The following CADM2 variants were observed in gnomAD, a reference collection of about 807,000 sequenced individuals.
CADM2 encodes cell adhesion molecule 2, also known as immunoglobulin superfamily member 4D.
CADM2 carries 12 observed loss-of-function variants against 49.8 expected under a neutral mutation model. The ratio of observed to expected loss-of-function variants is 0.24; its 90% CI spans 0.15 to 0.39. The LOEUF (loss-of-function observed/expected upper bound fraction) is 0.39. Among genes scored for constraint, CADM2 ranks in the 10% least tolerant of loss-of-function variants. The probability of loss-of-function intolerance (pLI) is 1.00; values close to 1 mark genes in which losing one functional copy is unlikely to be tolerated. For missense variants in CADM2, 378 were observed against 492.3 expected, an observed-to-expected ratio of 0.77 and a Z score of 2.20; for synonymous variants, 214 against 175.4, an observed-to-expected ratio of 1.22 and a Z score of -1.74.
At chr3:86,000,256 G>A (rs938128573) in intron 8 of CADM2, among the ~76,000 whole-genome samples, 3 of 152,112 alleles carry the variant, frequency 2.0e-5, no homozygotes, top group Non-Finnish European at 2.9e-5. Flanking sequence ...AAAAAGGATA[G>A]AAAATTAGCA....
intron 1 of CADM2, among the ~76,000 whole-genome samples, chr3:84,977,147 T>C (rs2031870633): frequency 6.6e-6 from 1 of 152,106 alleles, no homozygotes; most frequent in African/African-American, 2.4e-5. Flanking sequence ...TAAGTATATA[T>C]TTCTTTATTA....
chr3:85,961,345 T>C, intron 7 of CADM2, 124 bp from the exon 8 acceptor site: 1 of 748,326 alleles, frequency 1.3e-6, no homozygotes, highest in Non-Finnish European at 2.1e-6. Flanking sequence ...TTTGGTATCT[T>C]ATAGAAGTTA....
At chr3:85,912,599 A>G in intron 6 of CADM2, 56 bp downstream of exon 6, 2 of 1,506,928 alleles carry the variant, frequency 1.3e-6, no homozygotes, top group East Asian at 2.3e-5. Context: ...CTTCATCTGC[A>G]TCTAAAATCA....
At chr3:84,995,023 C>T (rs1007718464) in intron 1 of CADM2, among the ~76,000 whole-genome samples, 4 of 152,078 alleles carry the variant, frequency 2.6e-5, no homozygotes, top group South Asian at 2.1e-4. Flanking sequence ...GTGTGAGACT[C>T]TGTCTCAAAA....
At chr3:85,262,018 T>G (rs1309758424) in intron 1 of CADM2, among the ~76,000 whole-genome samples, 1 of 152,074 alleles carries the variant, frequency 6.6e-6, no homozygotes, top group African/African-American at 2.4e-5. Flanking sequence ...TGACAGAAAT[T>G]TCATTTATTT....
chr3:85,370,143 G>T (rs2033108035), intron 1 of CADM2, among the ~76,000 whole-genome samples: 1 of 150,856 alleles, frequency 6.6e-6, no homozygotes, highest in Non-Finnish European at 1.5e-5. Flanking sequence ...AAACCGGGAG[G>T]GAGAGGTTGC....
intron 7 of CADM2, among the ~76,000 whole-genome samples, chr3:85,947,196 T>C (rs201010718): frequency 6.6e-6 from 1 of 151,890 alleles, no homozygotes; most frequent in East Asian, 1.9e-4. Flanking sequence ...CATGAAAAAA[T>C]GCTCATCATC....
chr3:85,025,391 G>T (rs914383248), intron 1 of CADM2, among the ~76,000 whole-genome samples: 1 of 152,120 alleles, frequency 6.6e-6, no homozygotes, highest in Non-Finnish European at 1.5e-5. Flanking sequence ...GCATGGGTTA[G>T]TTGGAATTCA....
chr3:85,762,255 C>A (rs550981501), intron 2 of CADM2, among the ~76,000 whole-genome samples: 1 of 152,092 alleles, frequency 6.6e-6, no homozygotes, highest in African/African-American at 2.4e-5. Context: ...AATAGTCCCC[C>A]TTGAGACTCT....
chr3:85,545,709 C>T (rs2061654477), intron 1 of CADM2, among the ~76,000 whole-genome samples: 1 of 152,154 alleles, frequency 6.6e-6, no homozygotes, highest in Non-Finnish European at 1.5e-5. Flanking sequence ...CTGCTGCACT[C>T]TGAAACATAG....
chr3:85,009,313 G>A (rs1245513827), intron 1 of CADM2, among the ~76,000 whole-genome samples: 1 of 152,146 alleles, frequency 6.6e-6, no homozygotes, highest in East Asian at 1.9e-4. Context: ...AATATGAGTG[G>A]AAGATAGAAA....
chr3:85,996,567 G>T (rs1038805914), intron 8 of CADM2, among the ~76,000 whole-genome samples: 3 of 151,716 alleles, frequency 2.0e-5, no homozygotes, highest in African/African-American at 7.3e-5. Flanking sequence ...AAAACAATAC[G>T]TATAATATTT....
At chr3:85,626,519 G>A (rs1284630380) in intron 1 of CADM2, among the ~76,000 whole-genome samples, 1 of 151,568 alleles carries the variant, frequency 6.6e-6, no homozygotes, top group Non-Finnish European at 1.5e-5. Context: ...TTTCTAGGTG[G>A]ATATTTATAT....
chr3:85,713,261 C>T (rs769907496), intron 1 of CADM2, among the ~76,000 whole-genome samples: 4 of 152,062 alleles, frequency 2.6e-5, no homozygotes, highest in Admixed American at 1.3e-4. Flanking sequence ...CCACGCGGGA[C>T]TAATTTTTTT....
At chr3:85,273,660 A>G (rs1321753671) in intron 1 of CADM2, among the ~76,000 whole-genome samples, 2 of 150,496 alleles carry the variant, frequency 1.3e-5, no homozygotes, top group African/African-American at 4.9e-5. Context: ...CTGCAGGTAG[A>G]ATTGTTTGGG....
intron 1 of CADM2, among the ~76,000 whole-genome samples, chr3:85,133,981 GGCTGCAGGTCCCGA>G (rs375045209): frequency 0.12 from 18,751 of 152,204 alleles, 1,421 homozygotes; most frequent in East Asian, 0.26. Context: ...AGGCATGGCG[GGCTGCAGGTCCCGA>G]GCCCTGCCCC....
At chr3:86,020,089 G>T (rs1732923249) in intron 8 of CADM2, among the ~76,000 whole-genome samples, 1 of 152,018 alleles carries the variant, frequency 6.6e-6, no homozygotes, top group Non-Finnish European at 1.5e-5. Context: ...TGGACCGCTA[G>T]CAAGACTAAT....
intron 1 of CADM2, among the ~76,000 whole-genome samples, chr3:85,367,293 T>C (rs1395633237): frequency 6.6e-6 from 1 of 152,026 alleles, no homozygotes; most frequent in African/African-American, 2.4e-5. Context: ...ATATTTATTT[T>C]GTACCTATCT....
At chr3:85,728,293 A>G (rs918260789) in intron 2 of CADM2, among the ~76,000 whole-genome samples, 1 of 151,848 alleles carries the variant, frequency 6.6e-6, no homozygotes, top group Non-Finnish European at 1.5e-5. Flanking sequence ...ATTTTATTTG[A>G]CTCTCCTCTT....
Sources: allele counts gnomAD v4.1 joint callset (sites outside exome capture counted in the v4.1 genomes callset), GRCh38; gene constraint gnomAD v4.1.1; transcripts MANE v1.5; gene names NCBI Gene and HGNC (gene_info 2026-07-23, HGNC 2026-07-21).